The following KPNA1 variants were observed in gnomAD, a reference collection of about 807,000 sequenced individuals.
KPNA1 encodes karyopherin subunit alpha 1.
KPNA1 carries 10 observed loss-of-function variants against 70.5 expected under a neutral mutation model. That is an observed-to-expected ratio of 0.14 (90% CI 0.09 to 0.24). KPNA1 has a LOEUF of 0.24. Among genes scored for constraint, KPNA1 ranks in the 10% least tolerant of loss-of-function variants. KPNA1 has a pLI of 1.00. For synonymous variants in KPNA1, 192 were observed against 221.9 expected, an observed-to-expected ratio of 0.87 and a Z score of 1.20; for missense variants, 397 against 637.9, an observed-to-expected ratio of 0.62 and a Z score of 4.07.
At chr3:122,470,025 CA>C (rs775941231) in intron 2 of KPNA1, among the ~76,000 whole-genome samples, 5 of 151,680 alleles carry the variant, frequency 3.3e-5, no homozygotes, top group Non-Finnish European at 7.4e-5. Flanking sequence ...AATTCTTTGG[CA>C]AAAAGGAAAT....
At chr3:122,459,449 C>G in intron 5 of KPNA1, 4 of 985,392 alleles carry the variant, frequency 4.1e-6, no homozygotes, top group Non-Finnish European at 4.8e-6. Flanking sequence ...CTCCCTCTTC[C>G]TACAAAGCAT....
chr3:122,447,217 C>A (rs958760886), intron 9 of KPNA1, among the ~76,000 whole-genome samples: 4 of 152,016 alleles, frequency 2.6e-5, no homozygotes, highest in African/African-American at 9.7e-5. Flanking sequence ...GACACAACAA[C>A]AAAAAAGAAA....
chr3:122,427,609 A>T lies in KPNA1; in HGVS notation c.1358T>A (p.Leu453His). 6.2e-7 allele frequency: 1 copy of T among 1,614,114 alleles called. No homozygotes were observed. Among genetic ancestry groups the T allele is most frequent in the South Asian group, 1.1e-5 (1 of 91,072 alleles). Reference protein sequence around the residue: ...ALNGLENILRLGEQEAKRNGT... With the variant: ...ALNGLENILRHGEQEAKRNGT... ...ATTCCTTTTGGCTTCCTGTTCTCCA[A>T]GCCTCAGGATATTTTCCAAGCCATT... Residue 453 changes from leucine to histidine, a missense_variant, in exon 13 of 14, where the codon CTT becomes CAT. Coordinates refer to ENST00000344337, the MANE Select transcript of KPNA1 (RefSeq NM_002264.4).
At chr3:122,465,176 AC>A (rs2076366641) in intron 3 of KPNA1, among the ~76,000 whole-genome samples, 1 of 152,178 alleles carries the variant, frequency 6.6e-6, no homozygotes, top group Admixed American at 6.5e-5. Flanking sequence ...AGTGAACATC[AC>A]CCAAAGATTT....
intron 2 of KPNA1, among the ~76,000 whole-genome samples, chr3:122,491,239 G>A (rs144750712): frequency 7.2e-5 from 11 of 152,282 alleles, no homozygotes; most frequent in African/African-American, 2.6e-4. Flanking sequence ...TGGTATTGCA[G>A]TTTATACGCA....
At chr3:122,434,759 C>T (rs1419654054) in intron 11 of KPNA1, among the ~76,000 whole-genome samples, 3 of 152,214 alleles carry the variant, frequency 2.0e-5, no homozygotes, top group Admixed American at 6.5e-5. Flanking sequence ...CCCAAAATTA[C>T]TTTCTCCCTG....
rs1306565859 is a variant in KPNA1, at chr3:122,500,661, A to ATATCCCCC, written c.-5-4092_-5-4091insGGGGGATA. Reference sequence around the variant, plus strand: ...ACAGGTGCATGCCCAGATTATTATTATATATTGGGCTGGGGGGCTAGGGGG... The same window carrying ATATCCCCC: ...ACAGGTGCATGCCCAGATTATTATTATATCCCCCTATATTGGGCTGGGGGGCTAGGGGG... On this transcript the variant is annotated intron_variant, in intron 1 of 13. Coordinates refer to ENST00000344337, the MANE Select transcript of KPNA1 (RefSeq NM_002264.4). Among the ~76,000 whole-genome samples, 107 of 151,744 alleles carry ATATCCCCC rather than the reference A, an allele frequency of 7.1e-4. 1 individual carries two copies. The South Asian group carries it at 0.021, about 30-fold the overall frequency.
intron 9 of KPNA1, among the ~76,000 whole-genome samples, chr3:122,446,572 A>G (rs1007764643): frequency 1.3e-5 from 2 of 152,278 alleles, no homozygotes; most frequent in Admixed American, 1.3e-4. Flanking sequence ...AGAAAGCAGG[A>G]AAGATCTAAA....
chr3:122,429,097 G>A (rs747031772), intron 12 of KPNA1, among the ~76,000 whole-genome samples: 4 of 152,080 alleles, frequency 2.6e-5, no homozygotes, highest in African/African-American at 4.8e-5. Context: ...ATCAACTTAC[G>A]ATCATTTCAA....
At chr3:122,509,061 C>T (rs1228318154) in intron 1 of KPNA1, among the ~76,000 whole-genome samples, 2 of 152,068 alleles carry the variant, frequency 1.3e-5, no homozygotes, top group African/African-American at 4.8e-5. Flanking sequence ...GCCTGGCCAA[C>T]ATGGTGAAAC....
In KPNA1 at chr3:122,491,549, A is replaced by C. The variant is rs146150637; in HGVS notation, c.129+4888T>G. On this transcript the variant is annotated intron_variant, in intron 2 of 13. Coordinates refer to ENST00000344337, the MANE Select transcript of KPNA1 (RefSeq NM_002264.4). ...ACTACTAGCCAAAAGAAGCACAAAC[A>C]CTGGTTTGATAAAAGTGGAAGAATG... Among the ~76,000 whole-genome samples, 538 of 152,330 alleles carry C rather than the reference A, an allele frequency of 3.5e-3. 1 individual carries two copies. Among genetic ancestry groups the C allele is most frequent in the Admixed American group, 6.5e-3 (100 of 15,298 alleles).
chr3:122,432,346 A>G (rs2075922085), intron 12 of KPNA1: 1 of 152,232 alleles, frequency 6.6e-6, no homozygotes, highest in Admixed American at 6.5e-5. Flanking sequence ...ACTTCACCAA[A>G]ATAGCTACTG....
At chr3:122,465,850 G>T (rs1390968343) in intron 3 of KPNA1, among the ~76,000 whole-genome samples, 1 of 152,186 alleles carries the variant, frequency 6.6e-6, no homozygotes, top group East Asian at 1.9e-4. Flanking sequence ...GAAGAAAAGG[G>T]ATTCAACAAC....
chr3:122,508,242 G>A (rs2107510740), intron 1 of KPNA1, among the ~76,000 whole-genome samples: 1 of 152,242 alleles, frequency 6.6e-6, no homozygotes, highest in East Asian at 1.9e-4. Context: ...CAAATTATAT[G>A]TCACTAGCAA....
chr3:122,445,924 A>C (rs930275652), intron 9 of KPNA1, among the ~76,000 whole-genome samples: 2 of 152,226 alleles, frequency 1.3e-5, no homozygotes, highest in Non-Finnish European at 2.9e-5. Flanking sequence ...AGAGACAAAG[A>C]AAGCCATTAC....
At chr3:122,455,746 A>C (rs534144426) in intron 5 of KPNA1, among the ~76,000 whole-genome samples, 7 of 152,142 alleles carry the variant, frequency 4.6e-5, no homozygotes, top group South Asian at 2.1e-4. Context: ...AGTAGAGACG[A>C]GGTTTCATCA....
At chr3:122,450,959 G>GT (rs1396370494) in intron 8 of KPNA1, among the ~76,000 whole-genome samples, 2 of 152,146 alleles carry the variant, frequency 1.3e-5, no homozygotes, top group Non-Finnish European at 2.9e-5. Context: ...ACGCAAAAGC[G>GT]TAAGAATGAT....
intron 5 of KPNA1, 136 bp downstream of exon 5, chr3:122,461,088 A>G: frequency 1.9e-6 from 1 of 512,878 alleles, no homozygotes; most frequent in Non-Finnish European, 3.5e-6. Flanking sequence ...AGCAGCTTGC[A>G]ATGTAGTTGT....
At chr3:122,509,721 A>G (rs1576354463) in intron 1 of KPNA1, among the ~76,000 whole-genome samples, 1 of 152,246 alleles carries the variant, frequency 6.6e-6, no homozygotes, top group East Asian at 1.9e-4. Context: ...TAACAGAAGT[A>G]GGGCTCAGAA....
Sources: gnomAD v4.1 joint callset for allele counts (sites outside exome capture counted in the v4.1 genomes callset) on GRCh38, gnomAD v4.1.1 for gene constraint, MANE v1.5 for transcripts, NCBI Gene and HGNC (gene_info 2026-07-23, HGNC 2026-07-21) for gene names.